SYNPR: variants seen among roughly 807,000 people sequenced by gnomAD.
SYNPR encodes the protein synaptoporin.
Under a neutral mutation model 32.9 loss-of-function variants are expected in SYNPR, and 23 were observed. The ratio of observed to expected loss-of-function variants is 0.70; its 90% CI spans 0.50 to 0.99. The LOEUF (loss-of-function observed/expected upper bound fraction) is 0.99, where lower values mean the gene tolerates loss of function less well. Among genes scored for constraint, SYNPR ranks in the 50% least tolerant of loss-of-function variants. The pLI is 0.00. For missense variants in SYNPR, 318 were observed against 349.3 expected, an observed-to-expected ratio of 0.91 and a Z score of 0.71; for synonymous variants, 146 against 135.9, an observed-to-expected ratio of 1.07 and a Z score of -0.52.
At chr3:63,484,353 C>G (rs1341060950) in intron 3 of SYNPR, among the ~76,000 whole-genome samples, 1 of 151,996 alleles carries the variant, frequency 6.6e-6, no homozygotes, top group Non-Finnish European at 1.5e-5. Flanking sequence ...GAGAGTAGTT[C>G]TAGATTCCAT....
intron 3 of SYNPR, among the ~76,000 whole-genome samples, chr3:63,547,395 C>A (rs1291871187): frequency 6.6e-6 from 1 of 152,076 alleles, no homozygotes; most frequent in East Asian, 1.9e-4. Context: ...AATTTGTCTG[C>A]CTTTTCTACC....
chr3:63,531,317 TC>T, intron 3 of SYNPR, among the ~76,000 whole-genome samples: 1 of 152,242 alleles, frequency 6.6e-6, no homozygotes, highest in East Asian at 1.9e-4. Flanking sequence ...AGGGCTCTGC[TC>T]CCTCTAAAAC....
upstream of SYNPR, among the ~76,000 whole-genome samples, chr3:63,224,615 G>A (rs1418301493): frequency 6.6e-6 from 1 of 152,216 alleles, no homozygotes; most frequent in Non-Finnish European, 1.5e-5. Context: ...TTTGTCCAGA[G>A]TGGCCATAGC....
intron 4 of SYNPR, among the ~76,000 whole-genome samples, chr3:63,589,557 TA>T: frequency 6.6e-6 from 1 of 150,958 alleles, no homozygotes; most frequent in East Asian, 2.0e-4. Context: ...AAATCCTCAA[TA>T]AAATACTGGC....
chr3:63,365,591 A>C (rs751648154), intron 2 of SYNPR, among the ~76,000 whole-genome samples: 3 of 152,242 alleles, frequency 2.0e-5, no homozygotes, highest in Non-Finnish European at 4.4e-5. Flanking sequence ...AAAATATCAC[A>C]AGGATATAGT....
At chr3:63,273,546 G>A (rs1392768171), upstream of SYNPR, among the ~76,000 whole-genome samples, 2 of 151,996 alleles carry the variant, frequency 1.3e-5, no homozygotes, top group African/African-American at 4.8e-5. Flanking sequence ...CAATCCTTTG[G>A]TGTTAGTTTT....
At chr3:63,380,642 A>T (rs974611500) in intron 2 of SYNPR, among the ~76,000 whole-genome samples, 30 of 152,272 alleles carry the variant, frequency 2.0e-4, no homozygotes, top group African/African-American at 7.0e-4. Flanking sequence ...ACACTGATGC[A>T]AAAATTCTCA....
chr3:63,278,879 C>G, intron 2 of SYNPR, 137 bp downstream of exon 2: 1 of 1,047,086 alleles, frequency 9.6e-7, no homozygotes, highest in Non-Finnish European at 1.4e-6. Flanking sequence ...TCAATCCTGC[C>G]CCCTCCTAAG....
chr3:63,386,729 G>T (rs1473742746), intron 2 of SYNPR, among the ~76,000 whole-genome samples: 3 of 152,078 alleles, frequency 2.0e-5, no homozygotes, highest in Admixed American at 2.0e-4. Flanking sequence ...GCCTCCAGGG[G>T]AGGAGCTGTG....
the SYNPR span, among the ~76,000 whole-genome samples, chr3:63,202,658 T>C: frequency 2.0e-5 from 3 of 152,188 alleles, no homozygotes; most frequent in Non-Finnish European, 2.9e-5. Context: ...TGTTAACAGG[T>C]AATCCCAACT....
intron 2 of SYNPR, among the ~76,000 whole-genome samples, chr3:63,259,558 T>C (rs1575578665): frequency 6.6e-6 from 1 of 152,178 alleles, no homozygotes. Flanking sequence ...AAATTAGGTA[T>C]TGATGGGACG....
At chr3:63,392,360 C>T (rs1339133643) in intron 2 of SYNPR, among the ~76,000 whole-genome samples, 1 of 152,170 alleles carries the variant, frequency 6.6e-6, no homozygotes, top group African/African-American at 2.4e-5. Flanking sequence ...TTCTGTCCCA[C>T]ATTTGCCAAA....
chr3:63,296,478 G>A (rs1437879775), intron 2 of SYNPR, among the ~76,000 whole-genome samples: 1 of 152,112 alleles, frequency 6.6e-6, no homozygotes, highest in Non-Finnish European at 1.5e-5. Flanking sequence ...TAGTCTGGTG[G>A]ATGAATGAGA....
At chr3:63,458,413 T>G (rs1700522730) in intron 2 of SYNPR, among the ~76,000 whole-genome samples, 1 of 152,132 alleles carries the variant, frequency 6.6e-6, no homozygotes, top group African/African-American at 2.4e-5. Context: ...ATTCTCTGAT[T>G]AATAAAGTGG....
At chr3:63,324,819 C>A (rs1478752143) in intron 2 of SYNPR, among the ~76,000 whole-genome samples, 1 of 151,986 alleles carries the variant, frequency 6.6e-6, no homozygotes, top group Non-Finnish European at 1.5e-5. Flanking sequence ...GCAGCTGCAG[C>A]CACCCAGAAT....
At chr3:63,429,218 A>G (rs1699943011) in intron 2 of SYNPR, among the ~76,000 whole-genome samples, 1 of 152,218 alleles carries the variant, frequency 6.6e-6, no homozygotes, top group African/African-American at 2.4e-5. Flanking sequence ...AAGATCAACA[A>G]CTACATTACT....
chr3:63,273,799 T>C (rs1307519040), upstream of SYNPR, among the ~76,000 whole-genome samples: 2 of 152,214 alleles, frequency 1.3e-5, no homozygotes, highest in East Asian at 1.9e-4. Context: ...TAAACAAACA[T>C]GTATACATAT....
At chr3:63,204,861 T>A in the SYNPR span, among the ~76,000 whole-genome samples, 1 of 152,108 alleles carries the variant, frequency 6.6e-6, no homozygotes, top group Non-Finnish European at 1.5e-5. Flanking sequence ...CTAATTTTTG[T>A]ATTTTTAGTA....
chr3:63,609,468 C>T (rs1700168937), intron 5 of SYNPR, among the ~76,000 whole-genome samples, 152 bp downstream of exon 5: 1 of 152,190 alleles, frequency 6.6e-6, no homozygotes, highest in Admixed American at 6.5e-5. Flanking sequence ...ACAGGATGAT[C>T]ACTTGGCCCT....
Sources: gnomAD v4.1 joint callset for allele counts (sites outside exome capture counted in the v4.1 genomes callset) on GRCh38, gnomAD v4.1.1 for gene constraint, MANE v1.5 for transcripts, NCBI Gene and HGNC (gene_info 2026-07-23, HGNC 2026-07-21) for gene names.